The following MDM1 variants were observed in gnomAD, a reference collection of about 807,000 sequenced individuals.
MDM1 encodes stabilizer of axonemal microtubules 6.
MDM1 carries 61 observed loss-of-function variants against 89.1 expected under a neutral mutation model. That is an observed-to-expected ratio of 0.68 (90% CI 0.56 to 0.85). The LOEUF is 0.85. Among genes scored for constraint, MDM1 ranks in the 40% least tolerant of loss-of-function variants. MDM1 has a pLI of 0.00. For synonymous variants in MDM1, 290 were observed against 294.1 expected, an observed-to-expected ratio of 0.99 and a Z score of 0.14; for missense variants, 820 against 846.5, an observed-to-expected ratio of 0.97 and a Z score of 0.39.
intron 2 of MDM1, chr12:68,327,357 A>C: frequency 6.6e-7 from 1 of 1,525,234 alleles, no homozygotes; most frequent in South Asian, 1.2e-5. Context: ...CCTCGTTTCT[A>C]ATTACTTTCC....
At chr12:68,329,713 G>C (rs1436269373) in intron 2 of MDM1, among the ~76,000 whole-genome samples, 2 of 152,170 alleles carry the variant, frequency 1.3e-5, no homozygotes, top group East Asian at 1.9e-4. Context: ...GAATAAGACA[G>C]AGCCCTACTC....
chr12:68,317,717 G>A, intron 7 of MDM1, among the ~76,000 whole-genome samples: 1 of 152,252 alleles, frequency 6.6e-6, no homozygotes, highest in East Asian at 1.9e-4. Flanking sequence ...TCTAGCAGTG[G>A]TTTTTGCATT....
At chr12:68,304,588 T>C (rs1872631358) in intron 12 of MDM1, among the ~76,000 whole-genome samples, 1 of 152,124 alleles carries the variant, frequency 6.6e-6, no homozygotes, top group Non-Finnish European at 1.5e-5. Context: ...AAATTGTTCT[T>C]TTTTTTTCCT....
rs369829081 is a variant in MDM1, at chr12:68,295,886, C to T, written c.2063-520G>A. Among the ~76,000 whole-genome samples the T allele has an allele frequency of 9.3e-4, 141 of 152,220 alleles. 2 individuals are homozygous for T. In the South Asian group the frequency reaches 0.022, roughly 24 times the overall value. On this transcript the variant is annotated intron_variant, in intron 14 of 14. Transcript: ENST00000682720. ...AATTCCTCATTCTGAGTAAGCAAAT[C>T]TTTTATAAGGTTATTTATAGACACT...
chr12:68,311,453 A>G (rs1404085285), intron 12 of MDM1, among the ~76,000 whole-genome samples: 3 of 152,318 alleles, frequency 2.0e-5, no homozygotes, highest in Admixed American at 6.5e-5. Flanking sequence ...CCAAGAAGCA[A>G]TAAGAAGAGG....
chr12:68,297,146 A>T (rs1871513434), intron 13 of MDM1, among the ~76,000 whole-genome samples, 164 bp from the exon 14 acceptor site: 1 of 152,214 alleles, frequency 6.6e-6, no homozygotes, highest in Non-Finnish European at 1.5e-5. Context: ...TTTATTAATT[A>T]ATTTTATATC....
intron 1 of MDM1, chr12:68,332,013 C>A (rs1388692754): frequency 4.2e-6 from 3 of 714,408 alleles, no homozygotes; most frequent in Admixed American, 4.0e-5. Flanking sequence ...TCTGACTCTT[C>A]GACACACTGC....
chr12:68,327,693 G>A (rs1357573719), intron 2 of MDM1, among the ~76,000 whole-genome samples: 1 of 152,154 alleles, frequency 6.6e-6, no homozygotes, highest in Admixed American at 6.5e-5. Flanking sequence ...GTTGCAGGGT[G>A]CAGAAGGAAG....
intron 12 of MDM1, among the ~76,000 whole-genome samples, chr12:68,309,487 T>C (rs1422590160): frequency 6.6e-6 from 1 of 152,232 alleles, no homozygotes; most frequent in Admixed American, 6.5e-5. Flanking sequence ...AACATGTATC[T>C]CCCTTACCAG....
Position 68,319,465 on chromosome 12 carries a change from G to A in MDM1, c.1005+1882C>T, listed in dbSNP as rs117963881. Among the ~76,000 whole-genome samples, 1,431 of 152,314 alleles carry A rather than the reference G, an allele frequency of 9.4e-3. 16 individuals carry two copies. Among genetic ancestry groups the A allele is most frequent in the Non-Finnish European group, 0.014 (973 of 68,024 alleles). On this transcript the variant is annotated intron_variant, in intron 7 of 14. Coordinates refer to ENST00000682720, the MANE Select transcript of MDM1 (RefSeq NM_001354969.2). ...TCACTTATGTCTGAGTGCATGTGAG[G>A]AGTGTGAATACACTCCTTCCTGAAA...
At chr12:68,327,098 A>G (rs930355146) in intron 2 of MDM1, 77 bp from the exon 3 acceptor site, 1 of 1,485,882 alleles carries the variant, frequency 6.7e-7, no homozygotes, top group East Asian at 2.3e-5. Flanking sequence ...ACACTTGTGG[A>G]GGAGAAATGA....
intron 2 of MDM1, chr12:68,327,478 G>A (rs1468238678): frequency 2.0e-6 from 3 of 1,535,780 alleles, no homozygotes; most frequent in Admixed American, 3.9e-5. Flanking sequence ...ATGTCACTGT[G>A]CTGGATCTTG....
intron 7 of MDM1, among the ~76,000 whole-genome samples, chr12:68,317,420 G>A (rs2121022440): frequency 6.6e-6 from 1 of 150,792 alleles, no homozygotes; most frequent in East Asian, 1.9e-4. Flanking sequence ...AAAAAAAAAA[G>A]CAAATAATGA....
chr12:68,296,108 A>C (rs1055109659), intron 14 of MDM1, among the ~76,000 whole-genome samples: 8 of 152,268 alleles, frequency 5.3e-5, no homozygotes, highest in Non-Finnish European at 1.0e-4. Flanking sequence ...TAAGTTCAGT[A>C]ATTCCATACT....
At chr12:68,315,403 TGAA>T (rs1256485990) in intron 9 of MDM1, 138 bp from the exon 10 acceptor site, 4 of 753,888 alleles carry the variant, frequency 5.3e-6, no homozygotes, top group African/African-American at 1.8e-5. Context: ...GCTCAGGTAT[TGAA>T]GAAGGAAATC....
intron 13 of MDM1, among the ~76,000 whole-genome samples, chr12:68,297,428 G>A (rs753821491): frequency 4.6e-5 from 7 of 152,180 alleles, no homozygotes; most frequent in African/African-American, 9.7e-5. Flanking sequence ...AGCAGTGAGT[G>A]TATAACTATA....
intron 12 of MDM1, among the ~76,000 whole-genome samples, chr12:68,305,558 T>G (rs1367616808): frequency 1.3e-5 from 2 of 152,116 alleles, no homozygotes; most frequent in Non-Finnish European, 2.9e-5. Context: ...TAGTAAAGTT[T>G]CAGGATACAA....
intron 3 of MDM1, 65 bp downstream of exon 3, chr12:68,326,576 AAAATGTAATATTACAG>A (rs779431366): frequency 2.5e-6 from 4 of 1,613,218 alleles, no homozygotes; most frequent in Non-Finnish European, 3.4e-6. Context: ...TCTGAAACAC[AAAATGTAATATTACAG>A]AAATGACAAT....
At chr12:68,313,930 G>C (rs1182092111) in intron 10 of MDM1, among the ~76,000 whole-genome samples, 177 bp from the exon 11 acceptor site, 1 of 151,988 alleles carries the variant, frequency 6.6e-6, no homozygotes, top group African/African-American at 2.4e-5. Flanking sequence ...TCAGGAGATC[G>C]AGACCATCCT....
Sources: gnomAD v4.1 joint callset for allele counts (sites outside exome capture counted in the v4.1 genomes callset) on GRCh38, gnomAD v4.1.1 for gene constraint, MANE v1.5 for transcripts, NCBI Gene and HGNC (gene_info 2026-07-23, HGNC 2026-07-21) for gene names.